The following BCL2L13 variants were observed in gnomAD, a reference collection of about 807,000 sequenced individuals.
BCL2L13 encodes BCL2 like 13.
In BCL2L13, 13 loss-of-function variants were observed where a neutral mutation model predicts 25.8. That is an observed-to-expected ratio of 0.50 (90% confidence interval 0.33 to 0.80). BCL2L13 has a LOEUF of 0.80. Among genes scored for constraint, BCL2L13 ranks in the 30% least tolerant of loss-of-function variants. The pLI is 0.02. For synonymous variants in BCL2L13, 244 were observed against 230.3 expected (o/e 1.06, Z -0.54); for missense variants, 504 against 574.9 (o/e 0.88, Z 1.26).
At chr22:17,688,068 C>T (rs901381887) in intron 3 of BCL2L13, among the ~76,000 whole-genome samples, 2 of 149,936 alleles carry the variant, frequency 1.3e-5, no homozygotes, top group Admixed American at 1.3e-4. Flanking sequence ...TCTGCCCAGC[C>T]TTGGCCTCCC....
chr22:17,689,582 C>T (rs374638556), intron 4 of BCL2L13, among the ~76,000 whole-genome samples: 14 of 152,070 alleles, frequency 9.2e-5, no homozygotes, highest in African/African-American at 1.4e-4. Flanking sequence ...CGGTGGCTCA[C>T]GCCTGTAATC....
chr22:17,671,393 CAAAAA>C (rs33951569), intron 2 of BCL2L13, among the ~76,000 whole-genome samples: 2 of 69,086 alleles, frequency 2.9e-5, no homozygotes, highest in African/African-American at 6.2e-5. Flanking sequence ...GACTCCATCT[CAAAAA>C]AAAAAAAAAA....
At position 17,655,772 on chromosome 22, in the gene BCL2L13, A is replaced by G; in HGVS notation, c.61A>G (p.Ser21Gly). The G allele has an allele frequency of 6.2e-7, 1 of 1,613,778 alleles. No homozygotes were observed. The highest frequency in any genetic ancestry group is 8.5e-7 in the Non-Finnish European group (1 of 1,179,856). The change falls in exon 2 of 7, where the codon AGC becomes GGC. Residue 21 changes from serine (S) to glycine (G), a missense_variant. Transcript: ENST00000317582. ...CTATGAAACAAAGTATGTTGTTCTC[A>G]GCTACTTGGGACTCCTCTCTCAAGA... ...FHYETKYVVLSYLGLLSQEKL... is the reference protein window; with the variant it reads ...FHYETKYVVLGYLGLLSQEKL...
At chr22:17,712,494 T>G (rs1165727995) in intron 6 of BCL2L13, among the ~76,000 whole-genome samples, 1 of 152,242 alleles carries the variant, frequency 6.6e-6, no homozygotes, top group Non-Finnish European at 1.5e-5. Flanking sequence ...ACTACCATTT[T>G]CTTCTTCCTT....
intron 2 of BCL2L13, among the ~76,000 whole-genome samples, chr22:17,680,378 C>T (rs556616597): frequency 1.8e-4 from 26 of 147,974 alleles, no homozygotes; most frequent in African/African-American, 5.5e-4. Context: ...GGAATGGTGT[C>T]GGGCGCCTTA....
chr22:17,683,657 G>A (rs777326611), intron 3 of BCL2L13, among the ~76,000 whole-genome samples: 18 of 151,938 alleles, frequency 1.2e-4, no homozygotes, highest in Non-Finnish European at 2.5e-4. Flanking sequence ...ACATAAAAAG[G>A]AAAAAGTAAG....
Position 17,726,764 on chromosome 22 carries a change from G to A in BCL2L13, c.688G>A (p.Asp230Asn), listed in dbSNP as rs199938014. 1.4e-5 allele frequency: 22 copies of A among 1,614,072 alleles called. No homozygotes were observed. Among genetic ancestry groups the A allele is most frequent in the Non-Finnish European group, 1.9e-5 (22 of 1,180,052 alleles). ...DSNDIYILPS[D>N]NSGQVSPPES... Reference sequence around the variant, plus strand: ...CAATGACATTTACATCCTGCCCAGCGACAACTCTGGACAAGTCAGTCCCCC... The same window carrying A: ...CAATGACATTTACATCCTGCCCAGCAACAACTCTGGACAAGTCAGTCCCCC... Residue 230 changes from aspartate to asparagine, a missense_variant, in exon 7 of 7, where the codon GAC becomes AAC. Asp to Asn is a conservative substitution (Grantham distance 23). Coordinates refer to ENST00000317582, the MANE Select transcript of BCL2L13 (RefSeq NM_015367.4).
intron 6 of BCL2L13, chr22:17,703,358 AAG>A (rs1568993756): frequency 6.6e-6 from 1 of 152,180 alleles, no homozygotes; most frequent in South Asian, 2.1e-4. Flanking sequence ...ATTATTTACT[AAG>A]AGAGACATGT....
At chr22:17,654,626 C>T (rs896941936) in intron 1 of BCL2L13, among the ~76,000 whole-genome samples, 4 of 151,300 alleles carry the variant, frequency 2.6e-5, no homozygotes, top group Non-Finnish European at 1.5e-5. Context: ...GGGTTTCACT[C>T]TGTTAGCCAG....
At chr22:17,638,483 C>T (rs1361394050), upstream of BCL2L13, 8 of 401,374 alleles carry the variant, frequency 2.0e-5, no homozygotes, top group Non-Finnish European at 3.5e-5. Context: ...AGGCTTCTTT[C>T]CCTGGAATCG....
chr22:17,686,690 T>C (rs1022610720), intron 3 of BCL2L13, among the ~76,000 whole-genome samples: 1 of 151,902 alleles, frequency 6.6e-6, no homozygotes, highest in African/African-American at 2.4e-5. Flanking sequence ...TTTGTATTTT[T>C]AGTAGAGGTG....
At chr22:17,720,544 T>A (rs1344838431) in intron 6 of BCL2L13, among the ~76,000 whole-genome samples, 4 of 151,842 alleles carry the variant, frequency 2.6e-5, no homozygotes. Context: ...TTTTTACATG[T>A]AGTAGAGATG....
In BCL2L13 at chr22:17,730,159, AAAAC is replaced by A. The variant is rs1294917441; in HGVS notation, c.*2628_*2631del. On this transcript the variant is annotated 3_prime_UTR_variant, in exon 7 of 7. Transcript: ENST00000317582. ...GAAGGTAATGATTTATTGGGGGGAA[AAAAC>A]AACGCCAATTTATCCTCTCTGTATT... is the stretch of plus-strand genomic sequence containing the variant. 1 of 152,210 alleles carries A rather than the reference AAAAC, an allele frequency of 6.6e-6. No individual in the cohort carries two copies. The highest frequency in any genetic ancestry group is 2.4e-5 in the African/African-American group (1 of 41,448). 9.4% of individuals were successfully genotyped at this position (152,210 alleles called of 1,614,324 possible).
At chr22:17,662,263 G>C (rs1193962262) in intron 2 of BCL2L13, among the ~76,000 whole-genome samples, 1 of 152,162 alleles carries the variant, frequency 6.6e-6, no homozygotes, top group East Asian at 1.9e-4. Flanking sequence ...CGGATCACGA[G>C]GTCAGGAGAT....
chr22:17,683,750 T>C (rs1204920289), intron 3 of BCL2L13, among the ~76,000 whole-genome samples: 2 of 151,956 alleles, frequency 1.3e-5, no homozygotes, highest in Non-Finnish European at 2.9e-5. Context: ...CATTTTATTT[T>C]GCACTTAACA....
In BCL2L13 at chr22:17,683,874, T is replaced by G. The variant is rs1428705331; in HGVS notation, c.229+553T>G. Reference sequence around the variant, plus strand: ...TTATTATTATTATTATTATTATTATTATTATTATTACTATTTCAGAGACAG... The same window carrying G: ...TTATTATTATTATTATTATTATTATGATTATTATTACTATTTCAGAGACAG... On this transcript the variant is annotated intron_variant, in intron 3 of 6. Coordinates refer to ENST00000317582, the MANE Select transcript of BCL2L13 (RefSeq NM_015367.4). Among the ~76,000 whole-genome samples the G allele has an allele frequency of 2.7e-5, 4 of 149,746 alleles. No homozygotes were observed. The Admixed American group carries it at 2.7e-4, about 10-fold the overall frequency.
chr22:17,713,238 A>G (rs77847045), intron 6 of BCL2L13, among the ~76,000 whole-genome samples: 1,808 of 152,296 alleles, frequency 0.012, 45 homozygotes, highest in African/African-American at 0.042. Flanking sequence ...TCTCTCTTCA[A>G]CATAAGAATG....
At chr22:17,713,440 CCAT>C (rs2060817495) in intron 6 of BCL2L13, among the ~76,000 whole-genome samples, 2 of 150,224 alleles carry the variant, frequency 1.3e-5, no homozygotes, top group South Asian at 4.2e-4. Context: ...ATAAATAAAC[CCAT>C]CATAAGTTGA....
intron 2 of BCL2L13, 46 bp from the exon 3 acceptor site, chr22:17,683,168 G>C: frequency 9.2e-7 from 1 of 1,085,790 alleles, no homozygotes; most frequent in Non-Finnish European, 1.4e-6. Context: ...TATTCTAATG[G>C]TTTCTCTCTC....
Sources: gnomAD v4.1 joint callset for allele counts (sites outside exome capture counted in the v4.1 genomes callset) on GRCh38, gnomAD v4.1.1 for gene constraint, MANE v1.5 for transcripts, NCBI Gene and HGNC (gene_info 2026-07-23, HGNC 2026-07-21) for gene names.